Variants in PAH observed in about 807,000 individuals in gnomAD.
PAH encodes the protein phenylalanine hydroxylase, also known as phenylalanine-4-hydroxylase.
A neutral mutation model predicts 62.0 loss-of-function variants in PAH; 64 were observed. That is an observed-to-expected ratio of 1.03 (90% CI 0.84 to 1.27). The LOEUF is 1.27. Among genes scored for constraint, PAH ranks in the 50% most tolerant of loss-of-function variants. The pLI, the probability that PAH is intolerant of heterozygous loss-of-function variation, is 0.00. For synonymous variants in PAH, 195 were observed against 196.2 expected (o/e 0.99, Z 0.05); for missense variants, 579 against 542.8 (o/e 1.07, Z -0.66).
intron 2 of PAH, among the ~76,000 whole-genome samples, chr12:102,899,858 C>CAAAAAAAAAAAAAAAA (rs1166069532): frequency 2.1e-4 from 2 of 9,538 alleles, no homozygotes; most frequent in African/African-American, 6.6e-4. Context: ...GACTCCGTCT[C>CAAAAAAAAAAAAAAAA]AAAAAAAAAA....
chr12:102,901,476 A>G (rs1268421129), intron 2 of PAH, among the ~76,000 whole-genome samples: 1 of 152,066 alleles, frequency 6.6e-6, no homozygotes, highest in Non-Finnish European at 1.5e-5. Flanking sequence ...TACTCCTTAT[A>G]CTCTGCCTCC....
intron 1 of PAH, chr12:102,946,688 C>G (rs1879509415): frequency 6.6e-6 from 1 of 152,400 alleles, no homozygotes; most frequent in Admixed American, 6.5e-5. Context: ...TTTCTACCTT[C>G]TTAGGTGTCC....
At chr12:102,853,110 C>A in intron 6 of PAH, 160 bp from the exon 7 acceptor site, 1 of 731,942 alleles carries the variant, frequency 1.4e-6, no homozygotes, top group Non-Finnish European at 2.4e-6. Flanking sequence ...TGCTTTCTAG[C>A]TAGGTGATCT....
rs909711324 is a variant in PAH at position 102,866,472 on chromosome 12, T to G, written c.509+124A>C. On this transcript the variant is annotated intron_variant, in intron 5 of 12. Transcript: ENST00000553106. ...ACATACACGCATGCACATGAACACA[T>G]GCACACACAGAAGGCAGGACTCTTC... 12 of 783,484 alleles carry G rather than the reference T, an allele frequency of 1.5e-5. No homozygotes were observed. The African/African-American group carries it at 1.5e-4, about 10-fold the overall frequency. 48.5% of individuals were successfully genotyped at this position (783,484 alleles called of 1,614,324 possible).
In PAH at chr12:102,855,322, T is replaced by C. The variant is rs199475632; in HGVS notation, c.520A>G (p.Ile174Val). 6 of 1,613,940 alleles carry C rather than the reference T, an allele frequency of 3.7e-6. No homozygotes were observed. Among genetic ancestry groups the C allele is most frequent in the African/African-American group, 1.3e-5 (1 of 74,906 alleles). Residue 174 changes from isoleucine to valine, a missense_variant, in exon 6 of 13, where the codon ATC becomes GTC. By Grantham distance (29) the Ile-to-Val change is conservative. Coordinates refer to ENST00000553106, the MANE Select transcript of PAH (RefSeq NM_000277.3). ...IAYNYRHGQP[I>V]PRVEYMEEEK... ...TCCTCCATGTATTCCACTCGAGGGA[T>C]GGGCTGCCCACTAGAATACAGGCAC...
rs1296190613 is a variant in PAH at position 102,917,185 on chromosome 12, G to T, written c.-55C>A. Reference sequence around the variant, plus strand: ...TTTTTAGGGCCTCAGGTACAGGCAGGTTTGCAAACAGCACGTGGGGCTGAA... The same window carrying T: ...TTTTTAGGGCCTCAGGTACAGGCAGTTTTGCAAACAGCACGTGGGGCTGAA... On this transcript the variant is annotated 5_prime_UTR_variant, in exon 1 of 13. Coordinates refer to ENST00000553106, the MANE Select transcript of PAH (RefSeq NM_000277.3). 3.9e-6 allele frequency: 6 copies of T among 1,525,142 alleles called. No homozygotes were observed. Among genetic ancestry groups the T allele is most frequent in the Admixed American group, 1.7e-5 (1 of 59,734 alleles). 94.5% of individuals were successfully genotyped at this position (1,525,142 alleles called of 1,614,324 possible).
intron 2 of PAH, among the ~76,000 whole-genome samples, chr12:102,896,901 C>T (rs1197355588): frequency 1.3e-5 from 2 of 152,160 alleles, no homozygotes; most frequent in Non-Finnish European, 2.9e-5. Context: ...CCTGCTTTTA[C>T]ATTAGCCATT....
intron 5 of PAH, 68 bp from the exon 6 acceptor site, chr12:102,855,400 G>T: frequency 7.7e-7 from 1 of 1,298,788 alleles, no homozygotes; most frequent in East Asian, 2.4e-5. Context: ...GGTTAGGTTA[G>T]CAGAGGGAGT....
intron 5 of PAH, among the ~76,000 whole-genome samples, chr12:102,861,600 G>A (rs989853934): frequency 2.6e-5 from 4 of 152,184 alleles, no homozygotes; most frequent in Non-Finnish European, 5.9e-5. Flanking sequence ...ATCAGTGATA[G>A]ACTGGATTAA....
chr12:102,939,657 C>T (rs895461623), intron 1 of PAH, among the ~76,000 whole-genome samples: 3 of 152,208 alleles, frequency 2.0e-5, no homozygotes, highest in South Asian at 4.1e-4. Context: ...ACTCCCTGCT[C>T]TTCTTAACCA....
At position 102,840,355 on chromosome 12, in the gene PAH, G is replaced by A. The variant is rs767272145; in HGVS notation, c.1315+45C>T. ...GCGATGGTAGGGAAAGACAGTCTTC[G>A]ATTACTGAGAAACCGAGTGGCCTCG... On this transcript the variant is annotated intron_variant, in intron 12 of 12. Coordinates refer to ENST00000553106, the MANE Select transcript of PAH (RefSeq NM_000277.3). 23 of 1,127,898 alleles carry A rather than the reference G, an allele frequency of 2.0e-5. 1 individual carries two copies. In the South Asian group the frequency reaches 2.1e-4, roughly 10 times the overall value. The allele number at this position is 1,127,898 out of a possible 1,614,324, so 69.9% of individuals were successfully genotyped here. A position where few individuals can be genotyped will look rare whatever the true frequency, so the allele number is the denominator to read the frequency against.
At chr12:102,841,135 T>C (rs939636106) in intron 11 of PAH, among the ~76,000 whole-genome samples, 1 of 152,190 alleles carries the variant, frequency 6.6e-6, no homozygotes, top group African/African-American at 2.4e-5. Flanking sequence ...GCGTGACTAC[T>C]AAGGCCATAC....
chr12:102,940,103 T>C (rs1879239810), intron 1 of PAH, among the ~76,000 whole-genome samples: 1 of 152,210 alleles, frequency 6.6e-6, no homozygotes, highest in Non-Finnish European at 1.5e-5. Flanking sequence ...TGTGAAACCA[T>C]GAGCAAGAAT....
chr12:102,905,176 C>T (rs1877927949), intron 2 of PAH, among the ~76,000 whole-genome samples: 1 of 152,114 alleles, frequency 6.6e-6, no homozygotes, highest in Non-Finnish European at 1.5e-5. Context: ...GATTTAGATG[C>T]CCAATATCAA....
At position 102,838,607 on chromosome 12, in the gene PAH, G is replaced by A. The variant is rs1037210201; in HGVS notation, c.*568C>T. On this transcript the variant is annotated 3_prime_UTR_variant, in exon 13 of 13. Coordinates refer to ENST00000553106, the MANE Select transcript of PAH (RefSeq NM_000277.3). Reference sequence around the variant, plus strand: ...TGATTACAATAAAACATACAAAAATGTTTTTATATTAATATAATACTAAAG... The same window carrying A: ...TGATTACAATAAAACATACAAAAATATTTTTATATTAATATAATACTAAAG... 6.6e-6 allele frequency: 1 copy of A among 152,228 alleles called. No individual in the cohort carries two copies. Among genetic ancestry groups the A allele is most frequent in the African/African-American group, 2.4e-5 (1 of 41,414 alleles). 9.4% of individuals were successfully genotyped at this position (152,228 alleles called of 1,614,324 possible). A position where few individuals can be genotyped will look rare whatever the true frequency, so the allele number is the denominator to read the frequency against.
chr12:102,917,298 G>T (rs1878425116), upstream of PAH: 12 of 681,300 alleles, frequency 1.8e-5, no homozygotes, highest in South Asian at 1.9e-4. Context: ...CCCCTCGTGG[G>T]CGTTGTCCTG....
rs532393689 is a variant in PAH at position 102,860,721 on chromosome 12, C to A, written c.510-5389G>T. On this transcript the variant is annotated intron_variant, in intron 5 of 12. Transcript: ENST00000553106. ...TGATCTTTGACAAACCTGACAAAAA[C>A]AAGAAATGGGGAAAGGATTCCCTAT... is the stretch of plus-strand genomic sequence containing the variant. Among the ~76,000 whole-genome samples, 7 of 152,262 alleles carry A rather than the reference C, an allele frequency of 4.6e-5. No homozygotes were observed. In the South Asian group the frequency reaches 6.2e-4, roughly 14 times the overall value.
In PAH at chr12:102,836,961, C is replaced by T. The variant is rs543685031; in HGVS notation, c.*2214G>A. On this transcript the variant is annotated 3_prime_UTR_variant, in exon 13 of 13. Transcript: ENST00000553106. Reference sequence around the variant, plus strand: ...CTAAATTATATAACTTAGAAACCTACAGTTAAAATTCAGATTCCTACTTTC... The same window carrying T: ...CTAAATTATATAACTTAGAAACCTATAGTTAAAATTCAGATTCCTACTTTC... The T allele has an allele frequency of 6.6e-6, 1 of 152,284 alleles. No individual in the cohort carries two copies. The highest frequency in any genetic ancestry group is 2.4e-5 in the African/African-American group (1 of 41,556). The allele number at this position is 152,284 out of a possible 1,614,324, so 9.4% of individuals were successfully genotyped here.
At chr12:102,933,428 A>C (rs1340325831) in intron 1 of PAH, among the ~76,000 whole-genome samples, 1 of 152,194 alleles carries the variant, frequency 6.6e-6, no homozygotes, top group African/African-American at 2.4e-5. Context: ...TAGTGCTGCA[A>C]TAAACATGGG....
Sources: gnomAD v4.1 joint callset for allele counts (sites outside exome capture counted in the v4.1 genomes callset) on GRCh38, gnomAD v4.1.1 for gene constraint, MANE v1.5 for transcripts, NCBI Gene and HGNC (gene_info 2026-07-23, HGNC 2026-07-21) for gene names.